Variants in CNTNAP2 observed in about 807,000 individuals in gnomAD.
CNTNAP2 encodes the protein contactin associated protein 2, also known as contactin-associated protein-like 2.
In CNTNAP2, 98 loss-of-function variants were observed where a neutral mutation model predicts 155.2. The ratio of observed to expected loss-of-function variants is 0.63; its 90% CI spans 0.54 to 0.75. CNTNAP2 has a LOEUF of 0.75. CNTNAP2 is among the 30% of genes least tolerant of loss of function. The pLI is 0.00. For missense variants in CNTNAP2, 1,727 were observed against 1,688.1 expected, an observed-to-expected ratio of 1.02 and a Z score of -0.40; for synonymous variants, 651 against 631.2, an observed-to-expected ratio of 1.03 and a Z score of -0.47.
intron 2 of CNTNAP2, among the ~76,000 whole-genome samples, chr7:146,833,305 T>C (rs1803551350): frequency 1.3e-5 from 2 of 152,188 alleles, no homozygotes; most frequent in South Asian, 4.1e-4. Flanking sequence ...TGGATTTCAT[T>C]CCTGTCATTT....
intron 10 of CNTNAP2, among the ~76,000 whole-genome samples, chr7:147,453,194 C>T (rs1797862700): frequency 1.3e-5 from 2 of 152,128 alleles, no homozygotes; most frequent in Admixed American, 6.6e-5. Context: ...CTGCAGGTCT[C>T]ATAGCTGCCT....
intron 3 of CNTNAP2, among the ~76,000 whole-genome samples, chr7:147,034,819 C>T (rs184694516): frequency 6.6e-6 from 1 of 152,256 alleles, no homozygotes; most frequent in East Asian, 1.9e-4. Context: ...CTGCTCCTCT[C>T]GATGTCCAGA....
intron 1 of CNTNAP2, among the ~76,000 whole-genome samples, chr7:146,728,619 A>T (rs1166751221): frequency 6.6e-6 from 1 of 152,058 alleles, no homozygotes; most frequent in Non-Finnish European, 1.5e-5. Flanking sequence ...TGCAAAAAAA[A>T]AAAAAACGAA....
At chr7:147,165,347 T>C (rs1802096342) in intron 8 of CNTNAP2, among the ~76,000 whole-genome samples, 1 of 151,928 alleles carries the variant, frequency 6.6e-6, no homozygotes, top group Non-Finnish European at 1.5e-5. Flanking sequence ...GATGGGATTG[T>C]TGGTTTTTTT....
At chr7:146,855,856 C>G (rs1450336891) in intron 3 of CNTNAP2, among the ~76,000 whole-genome samples, 1 of 126,390 alleles carries the variant, frequency 7.9e-6, no homozygotes, top group African/African-American at 3.0e-5. Context: ...TATATATACA[C>G]ACTTACATAC....
chr7:146,872,447 G>A (rs556002859), intron 3 of CNTNAP2, among the ~76,000 whole-genome samples: 143 of 152,162 alleles, frequency 9.4e-4, no homozygotes, highest in Non-Finnish European at 1.3e-3. Context: ...AGAATTTCTA[G>A]AGGGTGGTTG....
At chr7:146,815,314 C>T (rs1803144336) in intron 2 of CNTNAP2, among the ~76,000 whole-genome samples, 2 of 151,992 alleles carry the variant, frequency 1.3e-5, no homozygotes, top group Non-Finnish European at 2.9e-5. Context: ...CAAATATTAG[C>T]TTATATGTAT....
At position 147,104,875 on chromosome 7, in the gene CNTNAP2, T is replaced by TATATATATAA. The variant is rs1480543273; in HGVS notation, c.551-3263_551-3262insAATATATATA. ...TTTATTCTTCTCCCTTCCTCCCTCATATATATATATATATATATATATATA... is the reference window on the plus strand; with the variant it reads ...TTTATTCTTCTCCCTTCCTCCCTCATATATATATAAATATATATATATATATATATATATA... On this transcript the variant is annotated intron_variant, in intron 4 of 23. Transcript: ENST00000361727. Among the ~76,000 whole-genome samples, 88 of 17,056 alleles carry TATATATATAA rather than the reference T, an allele frequency of 5.2e-3. No homozygotes were observed. The African/African-American group carries it at 0.053, about 10-fold the overall frequency. 11.2% of individuals were successfully genotyped at this position (17,056 alleles called of 152,430 possible). A position where few individuals can be genotyped will look rare whatever the true frequency, so the allele number is the denominator to read the frequency against.
chr7:147,656,253 A>G (rs1795523790), intron 13 of CNTNAP2, among the ~76,000 whole-genome samples: 1 of 152,158 alleles, frequency 6.6e-6, no homozygotes, highest in Non-Finnish European at 1.5e-5. Context: ...TCTATCTTTC[A>G]TCTGTTCACT....
chr7:146,802,376 T>C (rs1018512040), intron 2 of CNTNAP2, among the ~76,000 whole-genome samples: 1 of 152,184 alleles, frequency 6.6e-6, no homozygotes, highest in Non-Finnish European at 1.5e-5. Flanking sequence ...TTTCTGCTTT[T>C]GCTGGCAGTT....
Position 147,562,253 on chromosome 7 carries a change from G to T in CNTNAP2, c.1893G>T (p.Met631Ile). 1 of 1,613,856 alleles carries T rather than the reference G, an allele frequency of 6.2e-7. No individual in the cohort carries two copies. Among genetic ancestry groups the T allele is most frequent in the South Asian group, 1.1e-5 (1 of 91,058 alleles). Reference protein sequence around the residue: ...PLGPLKVYCNMTEDKVWTIVS... With the variant: ...PLGPLKVYCNITEDKVWTIVS... The stretch of plus-strand genomic sequence containing the variant: ...GGCCTCTGAAAGTTTACTGCAACAT[G>T]ACAGGTAACTGTGTCATATTTATGT... The change falls in exon 12 of 24, where the codon ATG becomes ATT. Residue 631 changes from methionine to isoleucine, a missense_variant. Met to Ile is a conservative substitution (Grantham distance 10). Transcript: ENST00000361727.
At chr7:146,378,415 TGAC>T (rs1795334898) in intron 1 of CNTNAP2, among the ~76,000 whole-genome samples, 1 of 152,144 alleles carries the variant, frequency 6.6e-6, no homozygotes, top group African/African-American at 2.4e-5. Flanking sequence ...ATGATGATGA[TGAC>T]AATGACGACA....
intron 16 of CNTNAP2, among the ~76,000 whole-genome samples, chr7:148,136,252 G>A (rs1804946364): frequency 1.3e-5 from 2 of 152,128 alleles, no homozygotes; most frequent in African/African-American, 4.8e-5. Flanking sequence ...CAAATTTCAT[G>A]TTGAAGTGTG....
chr7:146,378,250 T>C (rs1363976566), intron 1 of CNTNAP2, among the ~76,000 whole-genome samples: 4 of 152,154 alleles, frequency 2.6e-5, no homozygotes, highest in Non-Finnish European at 4.4e-5. Flanking sequence ...GGTTGTGAGA[T>C]TACAAATGAT....
intron 15 of CNTNAP2, among the ~76,000 whole-genome samples, chr7:147,995,945 A>C (rs2707554): frequency 0.022 from 3,299 of 152,318 alleles, 129 homozygotes; most frequent in African/African-American, 0.076. Context: ...CATAATTTGC[A>C]AAGTCCAGTG....
intron 15 of CNTNAP2, among the ~76,000 whole-genome samples, chr7:148,088,438 A>C (rs1235555632): frequency 1.3e-5 from 2 of 151,978 alleles, no homozygotes; most frequent in African/African-American, 4.8e-5. Flanking sequence ...GACTAAGAAA[A>C]AAAAAGAGAA....
intron 13 of CNTNAP2, among the ~76,000 whole-genome samples, chr7:147,641,775 C>G (rs1305078378): frequency 6.6e-6 from 1 of 151,964 alleles, no homozygotes; most frequent in Non-Finnish European, 1.5e-5. Context: ...AGAGCCCTCA[C>G]CAGAAACAGA....
At chr7:147,239,050 GAAGA>G (rs1034056197) in intron 8 of CNTNAP2, among the ~76,000 whole-genome samples, 3 of 151,704 alleles carry the variant, frequency 2.0e-5, no homozygotes, top group African/African-American at 4.8e-5. Flanking sequence ...CAACTCAAAA[GAAGA>G]AAGAAAAAGA....
intron 8 of CNTNAP2, among the ~76,000 whole-genome samples, chr7:147,144,107 G>A (rs1330418708): frequency 1.3e-5 from 2 of 152,128 alleles, no homozygotes; most frequent in Non-Finnish European, 2.9e-5. Context: ...GATTAAAACA[G>A]AGACTGTCCC....
Sources: allele counts gnomAD v4.1 joint callset (sites outside exome capture counted in the v4.1 genomes callset), GRCh38; gene constraint gnomAD v4.1.1; transcripts MANE v1.5; gene names NCBI Gene and HGNC (gene_info 2026-07-23, HGNC 2026-07-21).